The following SSBP3 variants were observed in gnomAD, a reference collection of about 807,000 sequenced individuals.
SSBP3 encodes single-stranded DNA-binding protein 3.
A neutral mutation model predicts 69.6 loss-of-function variants in SSBP3; 5 were observed. That is an observed-to-expected ratio of 0.07 (90% CI 0.04 to 0.15). The LOEUF is 0.15. Ranked by LOEUF, SSBP3 falls within the 10% of genes least tolerant of loss-of-function variation. The probability of loss-of-function intolerance (pLI) is 1.00; values close to 1 mark genes in which losing one functional copy is unlikely to be tolerated. For synonymous variants in SSBP3, 196 were observed against 193.4 expected, an observed-to-expected ratio of 1.01 and a Z score of -0.11; for missense variants, 312 against 534.0, an observed-to-expected ratio of 0.58 and a Z score of 4.10.
intron 1 of SSBP3, chr1:54,413,307 C>T (rs2100853223): frequency 6.6e-6 from 1 of 152,336 alleles, no homozygotes; most frequent in East Asian, 1.9e-4. Flanking sequence ...TAACACACAG[C>T]CCCCAAATCT....
chr1:54,273,320 G>A (rs1464964956), intron 5 of SSBP3, among the ~76,000 whole-genome samples: 1 of 152,050 alleles, frequency 6.6e-6, no homozygotes, highest in East Asian at 1.9e-4. Flanking sequence ...ATCCACATGC[G>A]TGCACACAGG....
At chr1:54,317,070 T>C in intron 4 of SSBP3, among the ~76,000 whole-genome samples, 1 of 152,126 alleles carries the variant, frequency 6.6e-6, no homozygotes, top group East Asian at 1.9e-4. Context: ...GGAGACTCAG[T>C]ATTCAGATCA....
chr1:54,304,960 C>T (rs746229725), intron 4 of SSBP3, among the ~76,000 whole-genome samples: 31 of 152,122 alleles, frequency 2.0e-4, no homozygotes, highest in Non-Finnish European at 3.8e-4. Flanking sequence ...AGCGAGGATG[C>T]GTGGGACCCG....
rs558537226 is a variant in SSBP3 at position 54,364,501 on chromosome 1, A to G, written c.276+37360T>C. Among the ~76,000 whole-genome samples the G allele has an allele frequency of 3.9e-5, 6 of 152,360 alleles. No homozygotes were observed. The East Asian group carries it at 1.2e-3, about 29-fold the overall frequency. ...CAACCTAGCACTCTGTTTAACAAAG[A>G]GGAAGGGGTGAGGCTTCTCAAAACA... On this transcript the variant is annotated intron_variant, in intron 4 of 17. Coordinates refer to ENST00000610401, the Ensembl canonical transcript of SSBP3.
chr1:54,306,266 G>A (rs1452483653), intron 4 of SSBP3, among the ~76,000 whole-genome samples: 1 of 152,138 alleles, frequency 6.6e-6, no homozygotes, highest in East Asian at 1.9e-4. Flanking sequence ...AGAATGAGAG[G>A]AATATGATAA....
chr1:54,274,681 G>C (rs1645253349), intron 5 of SSBP3, among the ~76,000 whole-genome samples: 1 of 152,158 alleles, frequency 6.6e-6, no homozygotes, highest in Non-Finnish European at 1.5e-5. Flanking sequence ...ACCTCCAGAG[G>C]GGACCGCAGC....
intron 4 of SSBP3, among the ~76,000 whole-genome samples, chr1:54,323,614 AGGCCAGCAGATGTGTGGGT>A (rs1470686459): frequency 9.9e-5 from 15 of 152,238 alleles, no homozygotes; most frequent in African/African-American, 3.4e-4. Flanking sequence ...GGCCGAGAGA[AGGCCAGCAGATGTGTGGGT>A]GGATGCGGGT....
chr1:54,247,778 C>A (rs887153326), intron 9 of SSBP3, among the ~76,000 whole-genome samples: 1 of 152,220 alleles, frequency 6.6e-6, no homozygotes, highest in Non-Finnish European at 1.5e-5. Flanking sequence ...ATTCTCTCTA[C>A]TAAGTCCAAC....
intron 4 of SSBP3, among the ~76,000 whole-genome samples, chr1:54,389,865 C>T (rs1648356052): frequency 6.8e-6 from 1 of 148,100 alleles, no homozygotes. Context: ...GGCAACACAG[C>T]AAGACCCTGT....
rs1649020416 is a variant in SSBP3, at chr1:54,398,044, G to A, written c.276+3817C>T. Among the ~76,000 whole-genome samples the A allele has an allele frequency of 2.0e-5, 3 of 152,164 alleles. No individual in the cohort carries two copies. The South Asian group carries it at 6.2e-4, about 32-fold the overall frequency. On this transcript the variant is annotated intron_variant, in intron 4 of 17. Transcript: ENST00000610401. ...GGTCAACTGCAAATACCTCCCCTCT[G>A]TTTTGCAGGGATTCTTTATCAAGTA...
exon 18 of SSBP3, chr1:54,226,878 T>C (rs1644293491): frequency 3.9e-6 from 2 of 506,464 alleles, no homozygotes; most frequent in Non-Finnish European, 7.3e-6. Flanking sequence ...GGGATTTTTC[T>C]GGTCACTGAC....
intron 5 of SSBP3, among the ~76,000 whole-genome samples, chr1:54,266,530 C>T (rs1645106041): frequency 6.6e-6 from 1 of 152,170 alleles, no homozygotes. Flanking sequence ...AAAAAGTCTG[C>T]AGACCCCTGA....
intron 4 of SSBP3, among the ~76,000 whole-genome samples, chr1:54,370,658 G>A (rs1340255868): frequency 1.3e-5 from 2 of 152,144 alleles, no homozygotes; most frequent in Admixed American, 1.3e-4. Flanking sequence ...CTGCTAGAGG[G>A]TGCCAATGAG....
chr1:54,377,315 G>T (rs192592106), intron 4 of SSBP3, among the ~76,000 whole-genome samples: 1 of 152,348 alleles, frequency 6.6e-6, no homozygotes, highest in African/African-American at 2.4e-5. Context: ...AGGTTACTCC[G>T]TAAACCCGAA....
At chr1:54,399,341 T>G (rs901496895) in intron 4 of SSBP3, among the ~76,000 whole-genome samples, 2 of 152,232 alleles carry the variant, frequency 1.3e-5, no homozygotes, top group African/African-American at 4.8e-5. Flanking sequence ...ACTCCATGTG[T>G]GTGCATTCTA....
intron 4 of SSBP3, among the ~76,000 whole-genome samples, chr1:54,366,975 C>A (rs987937144): frequency 2.0e-5 from 3 of 152,160 alleles, no homozygotes; most frequent in African/African-American, 7.2e-5. Context: ...CCTCTCAGAG[C>A]CTCCGAATCC....
At chr1:54,261,345 C>G (rs943945749) in intron 5 of SSBP3, among the ~76,000 whole-genome samples, 1 of 152,204 alleles carries the variant, frequency 6.6e-6, no homozygotes, top group African/African-American at 2.4e-5. Context: ...AACAAGAGAT[C>G]CACAGGTAGG....
At chr1:54,402,276 G>T (rs565514201) in intron 3 of SSBP3, among the ~76,000 whole-genome samples, 1 of 152,158 alleles carries the variant, frequency 6.6e-6, no homozygotes, top group Non-Finnish European at 1.5e-5. Context: ...GCTCCAAGGG[G>T]TTAGTAGAAC....
upstream of SSBP3, among the ~76,000 whole-genome samples, chr1:54,407,019 C>T (rs944976768): frequency 6.6e-6 from 1 of 152,072 alleles, no homozygotes; most frequent in Non-Finnish European, 1.5e-5. Context: ...GGGCCCGGGG[C>T]TCCACGCTGA....
Sources: gnomAD v4.1 joint callset for allele counts (sites outside exome capture counted in the v4.1 genomes callset) on GRCh38, gnomAD v4.1.1 for gene constraint, MANE v1.5 for transcripts, NCBI Gene and HGNC (gene_info 2026-07-23, HGNC 2026-07-21) for gene names.